AQP8: variants seen among roughly 807,000 people sequenced by gnomAD.
The protein encoded by AQP8 is aquaporin 8, also known as aquaporin-8.
AQP8 carries 14 observed loss-of-function variants against 26.1 expected under a neutral mutation model. The observed-to-expected ratio is 0.54, with a 90% CI of 0.35 to 0.84. AQP8 has a LOEUF of 0.84. AQP8 is among the 40% of genes least tolerant of loss of function. The pLI is 0.01. For synonymous variants in AQP8, 131 were observed against 150.7 expected (o/e 0.87, Z 0.96); for missense variants, 301 against 340.5 (o/e 0.88, Z 0.91).
At chr16:25,227,283 A>G in intron 5 of AQP8, 81 bp downstream of exon 5, 1 of 1,574,430 alleles carries the variant, frequency 6.4e-7, no homozygotes, top group Non-Finnish European at 8.7e-7. Context: ...CTAGAGGGCT[A>G]GGCTCTCACT....
intron 4 of AQP8, among the ~76,000 whole-genome samples, 195 bp from the exon 5 acceptor site, chr16:25,226,873 C>T (rs1001053118): frequency 1.2e-4 from 18 of 152,130 alleles, no homozygotes; most frequent in Admixed American, 6.5e-5. Flanking sequence ...GCACGCCCAG[C>T]GGGGAGCCAT....
At chr16:25,224,247 G>C (rs1357446002) in intron 3 of AQP8, 115 bp from the exon 4 acceptor site, 6 of 945,186 alleles carry the variant, frequency 6.3e-6, no homozygotes, top group Non-Finnish European at 9.4e-6. Context: ...ACTGAAATTG[G>C]ACATAACCCT....
Position 25,217,260 on chromosome 16 carries a change from G to A in AQP8, c.75G>A (p.Arg25=), listed in dbSNP as rs781581503. ...CCAGGGAGCCGAGCGTGGGTGGCAG[G>A]TGGCGAGTGTCCTGGTACGAACGGT... The part of the protein sequence containing the change: ...DKAREPSVGG[R]WRVSWYERFV... Residue 25 remains arginine (R), a synonymous_variant, in exon 2 of 6, where the codon AGG becomes AGA. Transcript: ENST00000219660. 1.2e-5 allele frequency: 19 copies of A among 1,614,220 alleles called. No individual in the cohort carries two copies. The South Asian group carries it at 1.9e-4, about 16-fold the overall frequency.
chr16:25,217,543 G>A lies in AQP8; in HGVS notation c.260+98G>A, dbSNP rs536654979. 1.5e-5 allele frequency: 23 copies of A among 1,495,026 alleles called. No individual in the cohort carries two copies. The Admixed American group carries it at 1.6e-4, about 10-fold the overall frequency. 92.6% of individuals were successfully genotyped at this position (1,495,026 alleles called of 1,614,324 possible). A position where few individuals can be genotyped will look rare whatever the true frequency, so the allele number is the denominator to read the frequency against. ...AGGACCCCTGGGCGCATACGTATTC[G>A]GGATTTCAAGGAGCGCTCTGGATAA... is the stretch of plus-strand genomic sequence containing the variant. On this transcript the variant is annotated intron_variant, in intron 2 of 5. Coordinates refer to ENST00000219660, the MANE Select transcript of AQP8 (RefSeq NM_001169.3).
chr16:25,217,390 GC>G lies in AQP8; in HGVS notation c.208del (p.Leu70TrpfsTer10). 1 of 1,614,148 alleles carries G rather than the reference GC, an allele frequency of 6.2e-7. No individual in the cohort carries two copies. Among genetic ancestry groups the G allele is most frequent in the Middle Eastern group, 1.6e-4 (1 of 6,062 alleles). ...NGTDTGLLQP[A>X]LAHGLALGLV... ...GACGGACACTGGGCTGCTGCAGCCG[GC>G]CCTGGCCCACGGGCTGGCTTTGGGG... On this transcript the variant is annotated frameshift_variant, in exon 2 of 6. Transcript: ENST00000219660. LOFTEE classifies it high-confidence loss of function.
rs753870432 is a variant in AQP8, at chr16:25,224,449, G to C, written c.475G>C (p.Val159Leu). The C allele has an allele frequency of 6.2e-7, 1 of 1,614,180 alleles. No homozygotes were observed. The highest frequency in any genetic ancestry group is 8.5e-7 in the Non-Finnish European group (1 of 1,180,032). The change falls in exon 4 of 6, where the codon GTG becomes CTG. Residue 159 changes from valine (V) to leucine (L), a missense_variant. Coordinates refer to ENST00000219660, the MANE Select transcript of AQP8 (RefSeq NM_001169.3). ...GCAGGGGCAGGTGGCAGGGGCGTTG[G>C]TGGCAGAGATCATCCTGACGACGCT... ...QEQGQVAGALVAEIILTTLLA... is the reference protein window; with the variant it reads ...QEQGQVAGALLAEIILTTLLA...
Position 25,224,390 on chromosome 16 carries a change from A to C in AQP8, c.416A>C (p.Asn139Thr). 6.2e-7 allele frequency: 1 copy of C among 1,613,892 alleles called. No homozygotes were observed. The highest frequency in any genetic ancestry group is 1.3e-5 in the African/African-American group (1 of 75,014). Residue 139 changes from asparagine (N) to threonine (T), a missense_variant, in exon 4 of 6, where the codon AAT becomes ACT. Transcript: ENST00000219660. ...KAVSPEERFW[N>T]ASGAAFVTVQ... ...GTGAGTCCTGAGGAGAGGTTCTGGA[A>C]TGCATCTGGGGCGGCCTTTGTGACA... is the stretch of plus-strand genomic sequence containing the variant.
Position 25,217,181 on chromosome 16 carries a change from CT to C in AQP8, c.13-12del. On this transcript the variant is annotated splice_polypyrimidine_tract_variant and intron_variant, in intron 1 of 5. Transcript: ENST00000219660. ...TGCCTCCCACCCGTGTCCTCTGTCC[CT>C]TTTTCCCTACGGCAGATAGCCATGT... The C allele has an allele frequency of 1.2e-6, 2 of 1,613,958 alleles. No homozygotes were observed. The highest frequency in any genetic ancestry group is 1.7e-6 in the Non-Finnish European group (2 of 1,180,010).
rs532604732 is a variant in AQP8 at position 25,221,443 on chromosome 16, C to A, written c.261-14C>A. ...CCCTGGGCTCATGACTTCCTCTGCTCTTGTGGGTTACAGTGGTGGACACTT... is the reference window on the plus strand; with the variant it reads ...CCCTGGGCTCATGACTTCCTCTGCTATTGTGGGTTACAGTGGTGGACACTT... On this transcript the variant is annotated splice_polypyrimidine_tract_variant and intron_variant, in intron 2 of 5. Coordinates refer to ENST00000219660, the MANE Select transcript of AQP8 (RefSeq NM_001169.3). 1 of 1,613,914 alleles carries A rather than the reference C, an allele frequency of 6.2e-7. No homozygotes were observed. The highest frequency in any genetic ancestry group is 1.3e-5 in the African/African-American group (1 of 75,060).
At chr16:25,226,770 T>C (rs561066100) in intron 4 of AQP8, among the ~76,000 whole-genome samples, 1 of 152,220 alleles carries the variant, frequency 6.6e-6, no homozygotes, top group Non-Finnish European at 1.5e-5. Context: ...TTGTAGACTT[T>C]GGAGCAAATG....
chr16:25,227,249 C>A, intron 5 of AQP8, 47 bp downstream of exon 5: 1 of 1,611,582 alleles, frequency 6.2e-7, no homozygotes, highest in Non-Finnish European at 8.5e-7. Flanking sequence ...GGGCACTTGG[C>A]AACATCTCCC....
At chr16:25,227,793 T>C (rs1281364309) in intron 5 of AQP8, among the ~76,000 whole-genome samples, 1 of 151,964 alleles carries the variant, frequency 6.6e-6, no homozygotes, top group Non-Finnish European at 1.5e-5. Context: ...CAGCCAGTTT[T>C]TGTGATTTTT....
At chr16:25,217,720 G>A (rs1158635078) in intron 2 of AQP8, among the ~76,000 whole-genome samples, 1 of 152,196 alleles carries the variant, frequency 6.6e-6, no homozygotes, top group Non-Finnish European at 1.5e-5. Context: ...TAGAGATGGG[G>A]TCTCACTATG....
chr16:25,222,419 T>C (rs1597628833), intron 3 of AQP8, among the ~76,000 whole-genome samples: 1 of 150,958 alleles, frequency 6.6e-6, no homozygotes, highest in Non-Finnish European at 1.5e-5. Context: ...GTTGACCACA[T>C]TGGCCTCCAA....
At chr16:25,223,090 G>A (rs932219746) in intron 3 of AQP8, among the ~76,000 whole-genome samples, 9 of 152,234 alleles carry the variant, frequency 5.9e-5, no homozygotes, top group South Asian at 2.1e-4. Flanking sequence ...GCACACCAAC[G>A]GCCTTGTCTG....
In AQP8 at chr16:25,226,933, C is replaced by T. The variant is rs1597631355; in HGVS notation, c.603-135C>T. The stretch of plus-strand genomic sequence containing the variant: ...GCCCCTCTGCCTTCTTTAGGATCTA[C>T]CCAGGAGCTCATGATGTAGGAGTTT... On this transcript the variant is annotated intron_variant, in intron 4 of 5. Transcript: ENST00000219660. The T allele has an allele frequency of 2.2e-6, 3 of 1,338,912 alleles. No homozygotes were observed. The Admixed American group carries it at 6.2e-5, about 28-fold the overall frequency. 82.9% of individuals were successfully genotyped at this position (1,338,912 alleles called of 1,614,324 possible).
intron 5 of AQP8, 115 bp from the exon 6 acceptor site, chr16:25,228,329 A>T: frequency 5.6e-6 from 5 of 893,572 alleles, no homozygotes; most frequent in Non-Finnish European, 9.2e-6. Flanking sequence ...TCTGGCTATT[A>T]AGGCTGGGGA....
intron 3 of AQP8, among the ~76,000 whole-genome samples, chr16:25,222,107 C>T (rs1240659191): frequency 1.3e-5 from 2 of 151,690 alleles, no homozygotes; most frequent in Non-Finnish European, 2.9e-5. Context: ...ACTCTGTTGT[C>T]CAGGCTGGAG....
chr16:25,220,471 C>T (rs73551017), intron 2 of AQP8, among the ~76,000 whole-genome samples: 5,299 of 152,194 alleles, frequency 0.035, 115 homozygotes, highest in African/African-American at 0.05. Flanking sequence ...TTGGTGAACA[C>T]GAAGGCTCTT....
Sources: allele counts gnomAD v4.1 joint callset (sites outside exome capture counted in the v4.1 genomes callset), GRCh38; gene constraint gnomAD v4.1.1; transcripts MANE v1.5; gene names NCBI Gene and HGNC (gene_info 2026-07-23, HGNC 2026-07-21).